Variants in KLF12 observed in about 807,000 individuals in gnomAD.
The protein encoded by KLF12 is Krueppel-like factor 12.
In KLF12, 9 loss-of-function variants were observed where a neutral mutation model predicts 37.8. That is an observed-to-expected ratio of 0.24 (90% confidence interval 0.14 to 0.42). The LOEUF (loss-of-function observed/expected upper bound fraction) is 0.42, where lower values mean the gene tolerates loss of function less well. KLF12 is among the 10% of genes least tolerant of loss of function. The pLI is 1.00. For synonymous variants in KLF12, 208 were observed against 202.1 expected, an observed-to-expected ratio of 1.03 and a Z score of -0.25; for missense variants, 411 against 516.0, an observed-to-expected ratio of 0.80 and a Z score of 1.97.
chr13:73,990,396 AAACAAG>A (rs922146147), intron 2 of KLF12, among the ~76,000 whole-genome samples: 58 of 152,284 alleles, frequency 3.8e-4, no homozygotes, highest in African/African-American at 1.4e-3. Context: ...AAAAAAAACA[AAACAAG>A]AACAAGTGAA....
At chr13:74,262,683 A>T in the KLF12 span, among the ~76,000 whole-genome samples, 19 of 152,204 alleles carry the variant, frequency 1.2e-4, no homozygotes, top group African/African-American at 3.6e-4. Context: ...TTTGATCCAC[A>T]GTTGGTTCAA....
chr13:73,695,879 T>C (rs982362419), intron 7 of KLF12, among the ~76,000 whole-genome samples: 1 of 152,240 alleles, frequency 6.6e-6, no homozygotes, highest in African/African-American at 2.4e-5. Context: ...TCTGGCAAGC[T>C]AGTTAACACT....
At chr13:74,033,302 A>G (rs568486300) in intron 1 of KLF12, among the ~76,000 whole-genome samples, 1 of 152,306 alleles carries the variant, frequency 6.6e-6, no homozygotes, top group South Asian at 2.1e-4. Flanking sequence ...ATGCCCTTTT[A>G]TTATACATGC....
At chr13:74,292,436 G>A in the KLF12 span, among the ~76,000 whole-genome samples, 4 of 145,656 alleles carry the variant, frequency 2.7e-5, no homozygotes, top group South Asian at 6.6e-4. Context: ...CTCAGTAAAT[G>A]AAAGGGTTTC....
At chr13:73,984,610 C>T (rs1037530967) in intron 2 of KLF12, among the ~76,000 whole-genome samples, 6 of 152,134 alleles carry the variant, frequency 3.9e-5, no homozygotes, top group Admixed American at 6.5e-5. Context: ...TCAGCTCTGG[C>T]GCCAAATATA....
intron 4 of KLF12, chr13:73,844,712 TACAAGAACCAAA>T (rs1173406739): frequency 6.6e-6 from 1 of 152,138 alleles, no homozygotes; most frequent in Non-Finnish European, 1.5e-5. Context: ...TCCCACCTCA[TACAAGAACCAAA>T]ACAACCATAT....
At chr13:74,287,777 T>C in the KLF12 span, among the ~76,000 whole-genome samples, 1 of 152,180 alleles carries the variant, frequency 6.6e-6, no homozygotes, top group East Asian at 1.9e-4. Context: ...ACTGTCCAAT[T>C]GCACAATTTC....
intron 2 of KLF12, among the ~76,000 whole-genome samples, chr13:73,953,900 C>A (rs535874230): frequency 3.3e-5 from 5 of 150,926 alleles, no homozygotes; most frequent in Admixed American, 6.6e-5. Context: ...TTAATTTTTT[C>A]TTTGGCAGCC....
intron 6 of KLF12, among the ~76,000 whole-genome samples, chr13:73,720,186 C>T (rs1372372578): frequency 6.6e-6 from 1 of 152,044 alleles, no homozygotes; most frequent in East Asian, 1.9e-4. Context: ...TTATCTTGCC[C>T]CATCTCACTC....
intron 5 of KLF12, chr13:73,800,903 T>A (rs2138342503): frequency 6.6e-6 from 1 of 152,258 alleles, no homozygotes; most frequent in South Asian, 2.1e-4. Flanking sequence ...TAATCAGGAA[T>A]ATTCTGAAAA....
At chr13:74,227,802 G>A in the KLF12 span, among the ~76,000 whole-genome samples, 2 of 152,032 alleles carry the variant, frequency 1.3e-5, no homozygotes, top group African/African-American at 4.8e-5. Flanking sequence ...AGAAGTTCCC[G>A]ATTTCTCTGG....
intron 1 of KLF12, among the ~76,000 whole-genome samples, chr13:74,027,785 A>G (rs937491737): frequency 1.3e-5 from 2 of 152,186 alleles, no homozygotes; most frequent in East Asian, 1.9e-4. Context: ...AAATTTTCCC[A>G]TAAGAGTTTC....
At chr13:73,737,424 C>G (rs867473185) in intron 6 of KLF12, among the ~76,000 whole-genome samples, 1 of 152,064 alleles carries the variant, frequency 6.6e-6, no homozygotes, top group African/African-American at 2.4e-5. Context: ...TTTCGTGTAA[C>G]CCTGGATAAG....
the KLF12 span, among the ~76,000 whole-genome samples, chr13:74,260,950 C>T: frequency 2.0e-5 from 3 of 152,082 alleles, no homozygotes; most frequent in Admixed American, 2.0e-4. Flanking sequence ...CAAAGAAGTT[C>T]ATCAGCTTAA....
the KLF12 span, among the ~76,000 whole-genome samples, chr13:74,281,716 G>C: frequency 6.6e-6 from 1 of 151,932 alleles, no homozygotes; most frequent in Non-Finnish European, 1.5e-5. Flanking sequence ...CTATGTGCTT[G>C]GTTACAAGAC....
chr13:74,289,497 C>A, the KLF12 span, among the ~76,000 whole-genome samples: 1 of 152,158 alleles, frequency 6.6e-6, no homozygotes, highest in South Asian at 2.1e-4. Context: ...ACAGCCATTT[C>A]GGCCCAACTC....
intron 6 of KLF12, among the ~76,000 whole-genome samples, chr13:73,762,681 T>C (rs938317975): frequency 5.3e-5 from 8 of 152,176 alleles, no homozygotes; most frequent in Admixed American, 5.2e-4. Flanking sequence ...TCCTACAAAT[T>C]ACCCAGTTGA....
At position 73,863,535 on chromosome 13, in the gene KLF12, GGTT is replaced by G. The variant is rs561041787; in HGVS notation, c.124-17165_124-17163del. On this transcript the variant is annotated intron_variant, in intron 3 of 7. Transcript: ENST00000377669. The stretch of plus-strand genomic sequence containing the variant: ...ACACAAAATAGTTAAAATTAGTTGT[GGTT>G]GTTATTTTTTGTTTCAGTTATTATT... 4.6e-5 allele frequency among the ~76,000 whole-genome samples: 7 copies of G among 152,128 alleles called. No individual in the cohort carries two copies. The South Asian group carries it at 6.2e-4, about 14-fold the overall frequency.
At chr13:73,790,328 A>G (rs985874802) in intron 5 of KLF12, among the ~76,000 whole-genome samples, 9 of 152,112 alleles carry the variant, frequency 5.9e-5, no homozygotes, top group Non-Finnish European at 1.3e-4. Context: ...CCAAATAGTA[A>G]AACTTATTAT....
Sources: allele counts gnomAD v4.1 joint callset (sites outside exome capture counted in the v4.1 genomes callset), GRCh38; gene constraint gnomAD v4.1.1; transcripts MANE v1.5; gene names NCBI Gene and HGNC (gene_info 2026-07-23, HGNC 2026-07-21).